The following ACSS3 variants were observed in gnomAD, a reference collection of about 807,000 sequenced individuals.
The protein encoded by ACSS3 is acyl-CoA synthetase short-chain family member 3, mitochondrial.
A neutral mutation model predicts 84.2 loss-of-function variants in ACSS3; 64 were observed. The ratio of observed to expected loss-of-function variants is 0.76; its 90% confidence interval spans 0.62 to 0.94. ACSS3 has a LOEUF of 0.94. ACSS3 is among the 40% of genes least tolerant of loss of function. The probability of loss-of-function intolerance (pLI) is 0.00; values close to 1 mark genes in which losing one functional copy is unlikely to be tolerated. For missense variants in ACSS3, 815 were observed against 867.6 expected, an observed-to-expected ratio of 0.94 and a Z score of 0.76; for synonymous variants, 317 against 310.1, an observed-to-expected ratio of 1.02 and a Z score of -0.23.
At chr12:81,093,014 G>GT (rs5799516) in intron 1 of ACSS3, among the ~76,000 whole-genome samples, 2 of 151,486 alleles carry the variant, frequency 1.3e-5, no homozygotes, top group Non-Finnish European at 2.9e-5. Context: ...TGTGTTTAAG[G>GT]TTTTTTTTTG....
intron 7 of ACSS3, among the ~76,000 whole-genome samples, chr12:81,166,509 A>G (rs1336333820): frequency 6.6e-6 from 1 of 152,216 alleles, no homozygotes; most frequent in Non-Finnish European, 1.5e-5. Context: ...GAGAAACTAT[A>G]TAAATTGAGA....
intron 8 of ACSS3, among the ~76,000 whole-genome samples, chr12:81,192,700 A>G (rs935779470): frequency 6.6e-6 from 1 of 152,154 alleles, no homozygotes; most frequent in East Asian, 1.9e-4. Flanking sequence ...AGAAATTATT[A>G]TGACTGGATT....
intron 9 of ACSS3, among the ~76,000 whole-genome samples, chr12:81,213,902 GTCCTTCCTTCCT>G (rs1305105388): frequency 4.6e-5 from 1 of 21,700 alleles, no homozygotes; most frequent in Admixed American, 7.2e-4. Flanking sequence ...TCTTTCTTTT[GTCCTTCCTTCCT>G]TCCTTCCTTC....
At chr12:81,201,314 C>T (rs1248088898) in intron 9 of ACSS3, among the ~76,000 whole-genome samples, 1 of 152,212 alleles carries the variant, frequency 6.6e-6, no homozygotes, top group African/African-American at 2.4e-5. Flanking sequence ...TGGGGGACTA[C>T]TTTCCACACA....
intron 1 of ACSS3, among the ~76,000 whole-genome samples, chr12:81,083,089 G>T (rs1881087808): frequency 6.6e-6 from 1 of 152,198 alleles, no homozygotes; most frequent in South Asian, 2.1e-4. Flanking sequence ...AAAGCCAAGT[G>T]TCCTTAGAGG....
intron 13 of ACSS3, among the ~76,000 whole-genome samples, chr12:81,246,158 G>T (rs2033978901): frequency 6.6e-6 from 1 of 152,170 alleles, no homozygotes. Context: ...TAGGGTAGGA[G>T]AGTACCCAGG....
At chr12:81,131,926 C>T (rs913822962) in intron 2 of ACSS3, among the ~76,000 whole-genome samples, 2 of 152,078 alleles carry the variant, frequency 1.3e-5, no homozygotes, top group Non-Finnish European at 2.9e-5. Context: ...TGATGGATTA[C>T]GTTTATTGAT....
intron 13 of ACSS3, among the ~76,000 whole-genome samples, chr12:81,235,279 T>C (rs1317113): frequency 0.62 from 92,967 of 150,340 alleles, 29,549 homozygotes; most frequent in Non-Finnish European, 0.72. Flanking sequence ...CATTGATCTA[T>C]GTTTTTTTTA....
rs1169095178 is a variant in ACSS3, at chr12:81,259,622, G to T, written c.*4700G>T. The T allele has an allele frequency of 3.3e-6, 5 of 1,531,744 alleles. No homozygotes were observed. In the East Asian group the frequency reaches 9.8e-5, roughly 30 times the overall value. The allele number at this position is 1,531,744 out of a possible 1,614,324, so 94.9% of individuals were successfully genotyped here. On this transcript the variant is annotated 3_prime_UTR_variant, in exon 16 of 16. Coordinates refer to ENST00000548058, the MANE Select transcript of ACSS3 (RefSeq NM_024560.4). Reference sequence around the variant, plus strand: ...TTTTCACTGCTCGTCTTCTTAGATGGTAGTGCACTTTAGGTAGAGTAGACT... The same window carrying T: ...TTTTCACTGCTCGTCTTCTTAGATGTTAGTGCACTTTAGGTAGAGTAGACT...
chr12:81,194,074 A>G (rs79696628), intron 8 of ACSS3, among the ~76,000 whole-genome samples: 11,278 of 149,040 alleles, frequency 0.076, 604 homozygotes, highest in East Asian at 0.2. Context: ...AAAGGTTACT[A>G]TTTTTTTTTT....
At chr12:81,226,289 C>T (rs2033268021) in intron 11 of ACSS3, among the ~76,000 whole-genome samples, 2 of 151,538 alleles carry the variant, frequency 1.3e-5, no homozygotes, top group South Asian at 4.2e-4. Context: ...CCCTGGTTCT[C>T]ATAATATCTC....
chr12:81,223,934 G>C (rs1197702893), intron 11 of ACSS3, among the ~76,000 whole-genome samples: 9 of 152,062 alleles, frequency 5.9e-5, no homozygotes, highest in Non-Finnish European at 1.3e-4. Context: ...ATTTTCCAGG[G>C]TGATGGACAT....
At chr12:81,142,759 A>G (rs571970976) in intron 4 of ACSS3, among the ~76,000 whole-genome samples, 11 of 152,208 alleles carry the variant, frequency 7.2e-5, no homozygotes, top group Non-Finnish European at 1.3e-4. Flanking sequence ...ATTAGTTTAT[A>G]AAGTTATTAG....
chr12:81,236,813 T>G (rs1388659167), intron 13 of ACSS3, among the ~76,000 whole-genome samples: 2 of 151,388 alleles, frequency 1.3e-5, no homozygotes, highest in Non-Finnish European at 3.0e-5. Flanking sequence ...TTTTGCACAT[T>G]CTTCTTGGGC....
intron 7 of ACSS3, among the ~76,000 whole-genome samples, chr12:81,170,069 T>C (rs7980360): frequency 0.46 from 69,725 of 151,978 alleles, 16,546 homozygotes; most frequent in Non-Finnish European, 0.52. Context: ...TCACAAGTAG[T>C]CTTAACCTCA....
chr12:81,174,981 A>G lies in ACSS3; in HGVS notation c.1250+42A>G. On this transcript the variant is annotated intron_variant, in intron 8 of 15. Transcript: ENST00000548058. ...CAGGGCAAATGACATTAGAAAGTGCAATCAAAATGAATAAGTGAACATTAT... is the reference window on the plus strand; with the variant it reads ...CAGGGCAAATGACATTAGAAAGTGCGATCAAAATGAATAAGTGAACATTAT... The G allele has an allele frequency of 1.9e-6, 3 of 1,590,498 alleles. No homozygotes were observed. In the South Asian group the frequency reaches 3.4e-5, roughly 18 times the overall value.
At chr12:81,163,100 G>A (rs527500827) in intron 7 of ACSS3, among the ~76,000 whole-genome samples, 14 of 152,092 alleles carry the variant, frequency 9.2e-5, no homozygotes, top group African/African-American at 2.9e-4. Context: ...TTCCAGATGG[G>A]CCACTGCTGC....
At chr12:81,183,305 A>T (rs891260638) in intron 8 of ACSS3, among the ~76,000 whole-genome samples, 1 of 152,176 alleles carries the variant, frequency 6.6e-6, no homozygotes, top group Non-Finnish European at 1.5e-5. Context: ...CAAAACAAAA[A>T]TCTACAACAG....
At chr12:81,245,144 T>A (rs969993094) in intron 13 of ACSS3, among the ~76,000 whole-genome samples, 1 of 152,178 alleles carries the variant, frequency 6.6e-6, no homozygotes, top group Non-Finnish European at 1.5e-5. Flanking sequence ...ACTTCATCAG[T>A]TCTTTGTAGA....
Sources: allele counts gnomAD v4.1 joint callset (sites outside exome capture counted in the v4.1 genomes callset), GRCh38; gene constraint gnomAD v4.1.1; transcripts MANE v1.5; gene names NCBI Gene and HGNC (gene_info 2026-07-23, HGNC 2026-07-21).